Variants in CARF observed in about 807,000 individuals in gnomAD.
CARF encodes the protein calcium-responsive transcription factor.
In CARF, 57 loss-of-function variants were observed where a neutral mutation model predicts 82.0. The observed-to-expected ratio is 0.70, with a 90% CI of 0.56 to 0.87. The LOEUF is 0.87. Among genes scored for constraint, CARF ranks in the 40% least tolerant of loss-of-function variants. CARF has a pLI of 0.00. For missense variants in CARF, 771 were observed against 855.8 expected (o/e 0.90, Z 1.24); for synonymous variants, 268 against 290.1 (o/e 0.92, Z 0.77).
intron 3 of CARF, among the ~76,000 whole-genome samples, chr2:202,941,633 T>C (rs1225254730): frequency 2.6e-5 from 4 of 152,156 alleles, no homozygotes; most frequent in Non-Finnish European, 2.9e-5. Context: ...TAGTTAAAGA[T>C]AGGATGAGGG....
chr2:202,977,201 A>G, intron 13 of CARF, 68 bp from the exon 14 acceptor site: 2 of 1,132,590 alleles, frequency 1.8e-6, no homozygotes, highest in Non-Finnish European at 2.6e-6. Flanking sequence ...TGACAGTCGT[A>G]ATGACGTCTT....
intron 8 of CARF, among the ~76,000 whole-genome samples, chr2:202,958,917 A>G (rs1183636050): frequency 6.6e-6 from 1 of 151,760 alleles, no homozygotes; most frequent in East Asian, 1.9e-4. Flanking sequence ...AAAAAAAAAA[A>G]AAAAAAATTG....
At position 202,912,909 on chromosome 2, in the gene CARF, G is replaced by C. The variant is rs1157344552; in HGVS notation, c.-523G>C. 1 of 152,128 alleles carries C rather than the reference G, an allele frequency of 6.6e-6. No individual in the cohort carries two copies. The highest frequency in any genetic ancestry group is 1.5e-5 in the Non-Finnish European group (1 of 68,048). The allele number at this position is 152,128 out of a possible 1,614,324, so 9.4% of individuals were successfully genotyped here. On this transcript the variant is annotated 5_prime_UTR_variant, in exon 1 of 17. Transcript: ENST00000438828. The stretch of plus-strand genomic sequence containing the variant: ...TTCTCCCCGACTTTTTGCCTTTTTT[G>C]TCTTGAAGTTACCCAAAGGCCTGTG...
intron 5 of CARF, among the ~76,000 whole-genome samples, chr2:202,948,135 T>A (rs1008338720): frequency 1.3e-5 from 2 of 152,204 alleles, no homozygotes; most frequent in African/African-American, 4.8e-5. Context: ...CTTGTTTTTG[T>A]CAGCTTTGTT....
chr2:202,984,715 C>G lies in CARF; in HGVS notation c.*1091C>G, dbSNP rs1443606359. On this transcript the variant is annotated 3_prime_UTR_variant, in exon 17 of 17. Coordinates refer to ENST00000438828, the MANE Select transcript of CARF (RefSeq NM_024744.17). ...AAGTAAGTATATTAACTTCAAATAC[C>G]AAATTACTACTAAGCAGTATATTGA... is the stretch of plus-strand genomic sequence containing the variant. 2 of 151,916 alleles carry G rather than the reference C, an allele frequency of 1.3e-5. No homozygotes were observed. The highest frequency in any genetic ancestry group is 2.9e-5 in the Non-Finnish European group (2 of 67,982). 9.4% of individuals were successfully genotyped at this position (151,916 alleles called of 1,614,324 possible). A position where few individuals can be genotyped will look rare whatever the true frequency, so the allele number is the denominator to read the frequency against.
In CARF at chr2:202,986,889, T is replaced by TACATATATATATATATATAC. The variant is rs1300733209; in HGVS notation, c.*3266_*3267insCATATATATATATATATACA. 7.8e-6 allele frequency: 1 copy of TACATATATATATATATATAC among 127,824 alleles called. No homozygotes were observed. Among genetic ancestry groups the TACATATATATATATATATAC allele is most frequent in the Non-Finnish European group, 1.7e-5 (1 of 58,714 alleles). The allele number at this position is 127,824 out of a possible 1,614,324, so 7.9% of individuals were successfully genotyped here. A position where few individuals can be genotyped will look rare whatever the true frequency, so the allele number is the denominator to read the frequency against. The stretch of plus-strand genomic sequence containing the variant: ...GTGCGTATATATATATATATATATA[T>TACATATATATATATATATAC]ATATATATATATATATATAGCAACT... On this transcript the variant is annotated 3_prime_UTR_variant, in exon 17 of 17. Transcript: ENST00000438828.
intron 14 of CARF, among the ~76,000 whole-genome samples, chr2:202,979,646 C>T (rs1462914151): frequency 6.6e-6 from 1 of 151,714 alleles, no homozygotes; most frequent in Non-Finnish European, 1.5e-5. Context: ...ACTAAAAATA[C>T]AAAAATTAGC....
rs1192817087 is a variant in CARF at position 202,974,453 on chromosome 2, G to A, written c.1451G>A (p.Arg484Lys). The part of the protein sequence containing the change: ...NHIHEVQKSL[R>K]NGDTVYNSEI... The stretch of plus-strand genomic sequence containing the variant: ...ATCCATGAGGTACAGAAATCCTTGA[G>A]AAATGGAGATACGGTATATAACTCA... Residue 484 changes from arginine to lysine, a missense_variant, in exon 13 of 17, where the codon AGA becomes AAA. Arg to Lys is a conservative substitution (Grantham distance 26). Transcript: ENST00000438828. 2 of 1,606,860 alleles carry A rather than the reference G, an allele frequency of 1.2e-6. No homozygotes were observed. Among genetic ancestry groups the A allele is most frequent in the Non-Finnish European group, 1.7e-6 (2 of 1,178,210 alleles).
chr2:202,921,195 G>T (rs1428040225), intron 2 of CARF, among the ~76,000 whole-genome samples: 1 of 152,194 alleles, frequency 6.6e-6, no homozygotes, highest in African/African-American at 2.4e-5. Flanking sequence ...TAGAGACGGG[G>T]TTTCACCATG....
At chr2:202,933,190 G>A (rs1312169741) in intron 3 of CARF, among the ~76,000 whole-genome samples, 1 of 152,140 alleles carries the variant, frequency 6.6e-6, no homozygotes, top group African/African-American at 2.4e-5. Context: ...CCCCTGTACA[G>A]GGGTATAAGA....
intron 8 of CARF, among the ~76,000 whole-genome samples, chr2:202,956,942 C>T (rs1042950755): frequency 6.6e-6 from 1 of 152,120 alleles, no homozygotes; most frequent in Admixed American, 6.5e-5. Context: ...GCGCGTGCCA[C>T]CACGCTCAGC....
At chr2:202,976,250 G>A (rs72928620) in intron 13 of CARF, among the ~76,000 whole-genome samples, 1 of 151,214 alleles carries the variant, frequency 6.6e-6, no homozygotes, top group Non-Finnish European at 1.5e-5. Context: ...TCCTGGCTCA[G>A]TGCAACCTCC....
chr2:202,958,798 G>A (rs900026661), intron 8 of CARF, among the ~76,000 whole-genome samples: 8 of 151,722 alleles, frequency 5.3e-5, no homozygotes, highest in Non-Finnish European at 7.4e-5. Flanking sequence ...CCAGCTACTC[G>A]GGAGGCTGAG....
At chr2:202,938,258 T>C (rs1694265273) in intron 3 of CARF, 2 of 152,120 alleles carry the variant, frequency 1.3e-5, no homozygotes, top group South Asian at 4.1e-4. Flanking sequence ...TATTTTTTAT[T>C]ATGATTCTTT....
Position 202,982,456 on chromosome 2 carries a change from A to G in CARF, c.2059+15A>G, listed in dbSNP as rs1169024259. ...CTCAGCTCTTAGTAAGTTGAAATCA[A>G]TTTATGATGTTATTGTTGTAACCTT... On this transcript the variant is annotated intron_variant, in intron 16 of 16. Coordinates refer to ENST00000438828, the MANE Select transcript of CARF (RefSeq NM_024744.17). 5 of 1,612,672 alleles carry G rather than the reference A, an allele frequency of 3.1e-6. No homozygotes were observed. The highest frequency in any genetic ancestry group is 1.7e-5 in the Admixed American group (1 of 59,792).
chr2:202,953,379 T>C (rs1454534768), intron 6 of CARF, among the ~76,000 whole-genome samples: 3 of 152,020 alleles, frequency 2.0e-5, no homozygotes, highest in Non-Finnish European at 4.4e-5. Flanking sequence ...TTTATCCTCT[T>C]GCTCTTTTCC....
At chr2:202,951,589 A>G (rs924997382) in intron 5 of CARF, among the ~76,000 whole-genome samples, 1 of 152,080 alleles carries the variant, frequency 6.6e-6, no homozygotes, top group Non-Finnish European at 1.5e-5. Flanking sequence ...TATTAGCTAT[A>G]CTTCCAAATG....
intron 2 of CARF, among the ~76,000 whole-genome samples, chr2:202,922,733 A>G (rs554092008): frequency 3.9e-4 from 60 of 152,112 alleles, no homozygotes; most frequent in Non-Finnish European, 6.6e-4. Flanking sequence ...TGAACCCGGT[A>G]GGTGAAGGTT....
chr2:202,931,065 C>T (rs1276733051), intron 3 of CARF, among the ~76,000 whole-genome samples: 1 of 151,150 alleles, frequency 6.6e-6, no homozygotes, highest in Non-Finnish European at 1.5e-5. Flanking sequence ...ACCTCCACCC[C>T]CTGATTCAAG....
Sources: allele counts gnomAD v4.1 joint callset (sites outside exome capture counted in the v4.1 genomes callset), GRCh38; gene constraint gnomAD v4.1.1; transcripts MANE v1.5; gene names NCBI Gene and HGNC (gene_info 2026-07-23, HGNC 2026-07-21).